Variants in ARPC5L observed in about 807,000 individuals in gnomAD.
ARPC5L encodes actin-related protein 2/3 complex subunit 5-like protein.
ARPC5L carries 4 observed loss-of-function variants against 16.9 expected under a neutral mutation model. The observed-to-expected ratio is 0.24, with a 90% CI of 0.12 to 0.54. The LOEUF (loss-of-function observed/expected upper bound fraction) is 0.54, where lower values mean the gene tolerates loss of function less well. ARPC5L is among the 20% of genes least tolerant of loss of function. The pLI, the probability that ARPC5L is intolerant of heterozygous loss-of-function variation, is 0.95. For missense variants in ARPC5L, 151 were observed against 201.9 expected, an observed-to-expected ratio of 0.75 and a Z score of 1.53; for synonymous variants, 78 against 82.6, an observed-to-expected ratio of 0.94 and a Z score of 0.30.
Position 124,877,661 on chromosome 9 carries a change from C to CT in ARPC5L, c.*724dup, listed in dbSNP as rs2131342016. On this transcript the variant is annotated 3_prime_UTR_variant, in exon 6 of 6. Transcript: ENST00000353214. The stretch of plus-strand genomic sequence containing the variant: ...ATAAACTATTTATTGTTTCTTATTC[C>CT]TTTGATTTGTATGTAATTAATTTTG... The CT allele has an allele frequency of 6.6e-6, 1 of 152,238 alleles. No homozygotes were observed. 9.4% of individuals were successfully genotyped at this position (152,238 alleles called of 1,614,324 possible). A position where few individuals can be genotyped will look rare whatever the true frequency, so the allele number is the denominator to read the frequency against.
In ARPC5L at chr9:124,868,754, C is replaced by T. The variant is rs575089386; in HGVS notation, c.-537C>T. On this transcript the variant is annotated 5_prime_UTR_variant, in exon 3 of 6. Coordinates refer to ENST00000353214, the MANE Select transcript of ARPC5L (RefSeq NM_030978.3). ...GCGCCACTCCCCGGGCACAGGAACT[C>T]CTACTCATCCCTCAGTCATCAGCTC... is the stretch of plus-strand genomic sequence containing the variant. 1 of 152,624 alleles carries T rather than the reference C, an allele frequency of 6.6e-6. No individual in the cohort carries two copies. Among genetic ancestry groups the T allele is most frequent in the African/African-American group, 2.4e-5 (1 of 41,620 alleles). 9.5% of individuals were successfully genotyped at this position (152,624 alleles called of 1,614,324 possible).
At chr9:124,872,105 A>G (rs1028150604) in intron 3 of ARPC5L, among the ~76,000 whole-genome samples, 5 of 152,196 alleles carry the variant, frequency 3.3e-5, no homozygotes. Context: ...TGATTGCTGG[A>G]CGCGTGGTGC....
At chr9:124,865,484 A>G (rs1372159943) in intron 2 of ARPC5L, among the ~76,000 whole-genome samples, 1 of 151,950 alleles carries the variant, frequency 6.6e-6, no homozygotes, top group Non-Finnish European at 1.5e-5. Context: ...CAGGTACTCT[A>G]CCTTCAAAAT....
At chr9:124,865,315 TAA>T (rs11414499) in intron 2 of ARPC5L, among the ~76,000 whole-genome samples, 4 of 107,058 alleles carry the variant, frequency 3.7e-5, no homozygotes, top group African/African-American at 3.7e-5. Context: ...AAACTCTGTC[TAA>T]AAAAAAAAAA....
rs1326342445 is a variant in ARPC5L, at chr9:124,876,984, G to A, written c.*44G>A. ...TGTTACCTTGAGAAGAATTCTGGAT[G>A]CCCAGGCTGGTGAAGAAGGGATTGA... On this transcript the variant is annotated 3_prime_UTR_variant, in exon 6 of 6. Transcript: ENST00000353214. 3 of 1,526,684 alleles carry A rather than the reference G, an allele frequency of 2.0e-6. No homozygotes were observed. The highest frequency in any genetic ancestry group is 4.5e-5 in the East Asian group (2 of 44,062). The allele number at this position is 1,526,684 out of a possible 1,614,324, so 94.6% of individuals were successfully genotyped here.
At position 124,875,180 on chromosome 9, in the gene ARPC5L, G is replaced by A. The variant is rs202035599; in HGVS notation, c.399+29G>A. 1.9e-6 allele frequency: 3 copies of A among 1,602,428 alleles called. No homozygotes were observed. In the Admixed American group the frequency reaches 5.1e-5, roughly 27 times the overall value. On this transcript the variant is annotated intron_variant, in intron 5 of 5. Transcript: ENST00000353214. Reference sequence around the variant, plus strand: ...TGTGAACGCTGCCACGCGCCCCAGTGAGCCACCTGGCTTGCCTTGGGGTTC... The same window carrying A: ...TGTGAACGCTGCCACGCGCCCCAGTAAGCCACCTGGCTTGCCTTGGGGTTC...
intron 2 of ARPC5L, among the ~76,000 whole-genome samples, chr9:124,866,836 C>T (rs998024939): frequency 1.3e-5 from 2 of 152,226 alleles, no homozygotes; most frequent in African/African-American, 2.4e-5. Context: ...AATCACCTCT[C>T]TACTTTGGTT....
chr9:124,866,449 C>T (rs1054285693), intron 2 of ARPC5L, among the ~76,000 whole-genome samples: 5 of 151,352 alleles, frequency 3.3e-5, no homozygotes, highest in Non-Finnish European at 5.9e-5. Context: ...TGGTGGGGCA[C>T]GGTGGCTCAT....
chr9:124,864,817 T>A (rs911536257), intron 2 of ARPC5L, among the ~76,000 whole-genome samples: 1 of 151,600 alleles, frequency 6.6e-6, no homozygotes, highest in Non-Finnish European at 1.5e-5. Context: ...GGACCTTTTT[T>A]TTTTTTTGAG....
rs924418286 is a variant in ARPC5L at position 124,869,405 on chromosome 9, C to G, written c.115C>G (p.Pro39Ala). The G allele has an allele frequency of 2.7e-6, 4 of 1,504,260 alleles. No homozygotes were observed. The highest frequency in any genetic ancestry group is 2.7e-6 in the Non-Finnish European group (3 of 1,126,520). The allele number at this position is 1,504,260 out of a possible 1,614,324, so 93.2% of individuals were successfully genotyped here. Residue 39 changes from proline to alanine, a missense_variant, in exon 3 of 6, where the codon CCG becomes GCG. Physicochemically the swap from Pro to Ala is conservative, Grantham distance 27. Transcript: ENST00000353214. ...GGCGGCGGCGGCGGCGGAGCCAGGC[C>G]CGGACCCGAGCGAGGTGGACGGGCT... ...EAAAAAAEPG[P>A]DPSEVDGLLR...
At chr9:124,876,554 C>G (rs599245) in intron 5 of ARPC5L, among the ~76,000 whole-genome samples, 149,709 of 152,334 alleles carry the variant, frequency 0.98, 73,614 homozygotes, top group East Asian at 1. Flanking sequence ...AGGATGGCTT[C>G]AACCCAGGAC....
At position 124,868,576 on chromosome 9, in the gene ARPC5L, G is replaced by A. The variant is rs1445603006; in HGVS notation, c.-715G>A. ...CACACGTGGGGTCGCAGAATCCCTC[G>A]AGTCACAACGTCTTCAACGTCTTGT... On this transcript the variant is annotated 5_prime_UTR_variant, in exon 3 of 6. Coordinates refer to ENST00000353214, the MANE Select transcript of ARPC5L (RefSeq NM_030978.3). 1 of 152,260 alleles carries A rather than the reference G, an allele frequency of 6.6e-6. No individual in the cohort carries two copies. The highest frequency in any genetic ancestry group is 1.5e-5 in the Non-Finnish European group (1 of 68,056). 9.4% of individuals were successfully genotyped at this position (152,260 alleles called of 1,614,324 possible). A position where few individuals can be genotyped will look rare whatever the true frequency, so the allele number is the denominator to read the frequency against.
Position 124,869,145 on chromosome 9 carries a change from C to CGGCGGCTGCGCGCGGA in ARPC5L, c.-140_-125dup, listed in dbSNP as rs980078916. ...GCGGGTGCCGGAAGTGGGCGGGCGGCGGCGGCTGCGCGCGGAGGCGGTGGA... is the reference window on the plus strand; with the variant it reads ...GCGGGTGCCGGAAGTGGGCGGGCGGCGGCGGCTGCGCGCGGAGGCGGCTGCGCGCGGAGGCGGTGGA... On this transcript the variant is annotated 5_prime_UTR_variant, in exon 3 of 6. Transcript: ENST00000353214. The CGGCGGCTGCGCGCGGA allele has an allele frequency of 1.7e-5, 17 of 975,006 alleles. No homozygotes were observed. The highest frequency in any genetic ancestry group is 2.0e-5 in the Non-Finnish European group (15 of 745,928). The allele number at this position is 975,006 out of a possible 1,614,324, so 60.4% of individuals were successfully genotyped here. A position where few individuals can be genotyped will look rare whatever the true frequency, so the allele number is the denominator to read the frequency against.
intron 2 of ARPC5L, among the ~76,000 whole-genome samples, chr9:124,865,640 A>T (rs1164282716): frequency 2.0e-5 from 3 of 151,472 alleles, no homozygotes; most frequent in Non-Finnish European, 4.4e-5. Flanking sequence ...AAATACAAAA[A>T]AAATTAGCCG....
At position 124,869,557 on chromosome 9, in the gene ARPC5L, G is replaced by C. The variant is rs559929701; in HGVS notation, c.149+118G>C. On this transcript the variant is annotated intron_variant, in intron 3 of 5. Coordinates refer to ENST00000353214, the MANE Select transcript of ARPC5L (RefSeq NM_030978.3). ...CTGTCTCCGACCCTTGGCCCCCTCA[G>C]GTCAGCCTCCAGCTCCCTGCCGACC... 285 of 1,374,956 alleles carry C rather than the reference G, an allele frequency of 2.1e-4. No individual in the cohort carries two copies. In the African/African-American group the frequency reaches 3.9e-3, roughly 19 times the overall value. The allele number at this position is 1,374,956 out of a possible 1,614,324, so 85.2% of individuals were successfully genotyped here.
Position 124,875,997 on chromosome 9 carries a change from C to T in ARPC5L, c.399+846C>T, listed in dbSNP as rs139806179. On this transcript the variant is annotated intron_variant, in intron 5 of 5. Transcript: ENST00000353214. ...GGGCTCAAGGAAGTAAACAAGTCCT[C>T]TGTATGATGGGGAGGCCAGGACCTC... Among the ~76,000 whole-genome samples, 331 of 152,240 alleles carry T rather than the reference C, an allele frequency of 2.2e-3. 3 individuals carry two copies. Among genetic ancestry groups the T allele is most frequent in the Admixed American group, 0.015 (234 of 15,292 alleles).
Position 124,877,092 on chromosome 9 carries a change from AG to A in ARPC5L, c.*156del. On this transcript the variant is annotated 3_prime_UTR_variant, in exon 6 of 6. Transcript: ENST00000353214. ...GAAATGTATTTTATTTTCAAGGTGG[AG>A]GGGAAAATCGTCTGTTTCCTAAATC... 1 of 657,832 alleles carries A rather than the reference AG, an allele frequency of 1.5e-6. No individual in the cohort carries two copies. Among genetic ancestry groups the A allele is most frequent in the Non-Finnish European group, 2.5e-6 (1 of 393,152 alleles). 40.7% of individuals were successfully genotyped at this position (657,832 alleles called of 1,614,324 possible). A position where few individuals can be genotyped will look rare whatever the true frequency, so the allele number is the denominator to read the frequency against.
Position 124,876,896 on chromosome 9 carries a change from C to T in ARPC5L, c.418C>T (p.Leu140=). 4.3e-6 allele frequency: 7 copies of T among 1,613,566 alleles called. No individual in the cohort carries two copies. The highest frequency in any genetic ancestry group is 5.1e-6 in the Non-Finnish European group (6 of 1,179,834). Residue 140 remains leucine, a synonymous_variant, in exon 6 of 6, where the codon CTA becomes TTA. Coordinates refer to ENST00000353214, the MANE Select transcript of ARPC5L (RefSeq NM_030978.3). ...WHEKALAVGG[L]GSIIRVLTAR... is the part of the protein sequence containing the mutation. ...CCCACAGGCCTTAGCAGTAGGAGGACTAGGCTCCATTATAAGAGTTCTTAC... is the reference window on the plus strand; with the variant it reads ...CCCACAGGCCTTAGCAGTAGGAGGATTAGGCTCCATTATAAGAGTTCTTAC...
At chr9:124,873,825 C>A (rs1829396021) in intron 4 of ARPC5L, 61 bp downstream of exon 4, 46 of 1,588,666 alleles carry the variant, frequency 2.9e-5, no homozygotes, top group Non-Finnish European at 4.0e-5. Flanking sequence ...TGGGTGTCTG[C>A]CCAGTGCGAG....
Sources: allele counts gnomAD v4.1 joint callset (sites outside exome capture counted in the v4.1 genomes callset), GRCh38; gene constraint gnomAD v4.1.1; transcripts MANE v1.5; gene names NCBI Gene and HGNC (gene_info 2026-07-23, HGNC 2026-07-21).